MARCHF3: variants seen among roughly 807,000 people sequenced by gnomAD.
MARCHF3 encodes E3 ubiquitin-protein ligase MARCHF3.
Under a neutral mutation model 24.2 loss-of-function variants are expected in MARCHF3, and 13 were observed. The observed-to-expected ratio is 0.54, with a 90% confidence interval of 0.35 to 0.85. MARCHF3 has a LOEUF of 0.85. Ranked by LOEUF, MARCHF3 falls within the 40% of genes least tolerant of loss-of-function variation. MARCHF3 has a pLI of 0.01. For synonymous variants in MARCHF3, 144 were observed against 137.3 expected, an observed-to-expected ratio of 1.05 and a Z score of -0.34; for missense variants, 276 against 325.0, an observed-to-expected ratio of 0.85 and a Z score of 1.16.
chr5:126,954,155 C>G (rs527818396), intron 1 of MARCHF3, among the ~76,000 whole-genome samples: 3 of 151,896 alleles, frequency 2.0e-5, no homozygotes, highest in East Asian at 3.9e-4. Flanking sequence ...GCCTCACCCT[C>G]CCGAGTAGCT....
chr5:126,888,124 AATGAAT>A (rs1485492695), intron 3 of MARCHF3, among the ~76,000 whole-genome samples: 1 of 152,202 alleles, frequency 6.6e-6, no homozygotes, highest in Admixed American at 6.5e-5. Flanking sequence ...GTAGACATCA[AATGAAT>A]ATAACTGAAA....
intron 1 of MARCHF3, among the ~76,000 whole-genome samples, chr5:126,949,516 C>A (rs1307411038): frequency 6.6e-6 from 1 of 152,168 alleles, no homozygotes; most frequent in African/African-American, 2.4e-5. Flanking sequence ...GACCAGGGAG[C>A]TAGAACCCTC....
At chr5:126,921,759 T>G (rs899495627) in intron 1 of MARCHF3, among the ~76,000 whole-genome samples, 1 of 152,196 alleles carries the variant, frequency 6.6e-6, no homozygotes, top group African/African-American at 2.4e-5. Context: ...ACTGGTGGGA[T>G]GGGTCCTTTG....
intron 3 of MARCHF3, among the ~76,000 whole-genome samples, chr5:126,901,184 A>G (rs1420015848): frequency 1.3e-5 from 2 of 152,140 alleles, no homozygotes; most frequent in African/African-American, 4.8e-5. Context: ...AGTGTATACA[A>G]GCACAACATA....
intron 3 of MARCHF3, among the ~76,000 whole-genome samples, chr5:126,895,041 T>C (rs1236938603): frequency 6.6e-6 from 1 of 152,092 alleles, no homozygotes; most frequent in African/African-American, 2.4e-5. Flanking sequence ...ACTTCCCTTC[T>C]CGCTTCATTT....
intron 3 of MARCHF3, among the ~76,000 whole-genome samples, chr5:126,887,467 T>C (rs1753546017): frequency 6.6e-6 from 1 of 152,254 alleles, no homozygotes; most frequent in Admixed American, 6.5e-5. Context: ...ACAAAAGTGC[T>C]AAAGAATCAT....
intron 4 of MARCHF3, 27 bp downstream of exon 4, chr5:126,878,158 T>G (rs759157233): frequency 3.1e-6 from 5 of 1,609,490 alleles, no homozygotes; most frequent in Non-Finnish European, 3.4e-6. Flanking sequence ...CCAAATGGCC[T>G]GAACCCCAGC....
intron 3 of MARCHF3, among the ~76,000 whole-genome samples, chr5:126,886,849 A>C (rs988653055): frequency 2.0e-5 from 3 of 152,110 alleles, no homozygotes; most frequent in Non-Finnish European, 2.9e-5. Context: ...TCTCATAAAC[A>C]ACCTCAGTCT....
intron 2 of MARCHF3, among the ~76,000 whole-genome samples, chr5:126,916,208 A>T (rs1754724825): frequency 6.6e-6 from 1 of 152,218 alleles, no homozygotes; most frequent in Non-Finnish European, 1.5e-5. Context: ...GGAGAGGACC[A>T]TGCCTCTCTG....
At position 126,918,011 on chromosome 5, in the gene MARCHF3, G is replaced by C. The variant is rs748671102; in HGVS notation, c.161C>G (p.Thr54Arg). Residue 54 changes from threonine to arginine, a missense_variant, in exon 2 of 5, where the codon ACA becomes AGA. Physicochemically the swap from Thr to Arg is moderately conservative, Grantham distance 71. Coordinates refer to ENST00000308660, the MANE Select transcript of MARCHF3 (RefSeq NM_178450.5). Reference protein sequence around the residue: ...VSAKDGQLLSTVVRTLATQSP... With the variant: ...VSAKDGQLLSRVVRTLATQSP... ...CTGGGTGGCAAGAGTCCGCACTACT[G>C]TTGACAGCAGCTGCCCGTCCTTGGC... 4 of 1,614,118 alleles carry C rather than the reference G, an allele frequency of 2.5e-6. No individual in the cohort carries two copies. Among genetic ancestry groups the C allele is most frequent in the Non-Finnish European group, 3.4e-6 (4 of 1,180,016 alleles).
chr5:126,938,293 G>A (rs909951634), intron 1 of MARCHF3, among the ~76,000 whole-genome samples: 4 of 150,040 alleles, frequency 2.7e-5, no homozygotes, highest in South Asian at 2.1e-4. Flanking sequence ...TCAGCCTCCC[G>A]AGTAGCTGGG....
intron 3 of MARCHF3, among the ~76,000 whole-genome samples, chr5:126,911,154 T>G (rs1043034234): frequency 6.6e-6 from 1 of 152,168 alleles, no homozygotes; most frequent in Admixed American, 6.5e-5. Context: ...TGCCTGAAAC[T>G]TCATTAGCAA....
chr5:126,994,031 A>C (rs1242718496), intron 1 of MARCHF3, among the ~76,000 whole-genome samples: 2 of 152,240 alleles, frequency 1.3e-5, no homozygotes, highest in Non-Finnish European at 2.9e-5. Context: ...AGGTAAGAGA[A>C]ATGAAAACAT....
chr5:126,966,342 T>C (rs571517853), intron 1 of MARCHF3, among the ~76,000 whole-genome samples: 2 of 152,272 alleles, frequency 1.3e-5, no homozygotes, highest in African/African-American at 4.8e-5. Flanking sequence ...AAATTATATC[T>C]CAATAAAGTT....
intron 1 of MARCHF3, among the ~76,000 whole-genome samples, chr5:126,987,537 TA>T: frequency 6.6e-6 from 1 of 152,294 alleles, no homozygotes; most frequent in South Asian, 2.1e-4. Context: ...GCCAATTCCT[TA>T]AAACAAATAT....
chr5:126,981,025 G>C (rs1279849015), intron 1 of MARCHF3, among the ~76,000 whole-genome samples: 1 of 152,168 alleles, frequency 6.6e-6, no homozygotes, highest in Non-Finnish European at 1.5e-5. Context: ...GCTGCACAAA[G>C]AATCAGCCTG....
At chr5:126,899,271 C>CA (rs763710117) in intron 3 of MARCHF3, 14 of 985,012 alleles carry the variant, frequency 1.4e-5, no homozygotes, top group East Asian at 1.1e-4. Context: ...CTGCACCTGT[C>CA]AAAAAAAGTG....
chr5:126,870,476 C>A lies in MARCHF3; in HGVS notation c.*157G>T. On this transcript the variant is annotated 3_prime_UTR_variant, in exon 5 of 5. Coordinates refer to ENST00000308660, the MANE Select transcript of MARCHF3 (RefSeq NM_178450.5). ...TAAAACAGCATTTGCTTTCTTCTGGCGGAGGTTGTTGCTTGGAGTGATGTG... is the reference window on the plus strand; with the variant it reads ...TAAAACAGCATTTGCTTTCTTCTGGAGGAGGTTGTTGCTTGGAGTGATGTG... 3.5e-6 allele frequency: 2 copies of A among 576,404 alleles called. No individual in the cohort carries two copies. The highest frequency in any genetic ancestry group is 2.8e-5 in the South Asian group (1 of 35,218). 35.7% of individuals were successfully genotyped at this position (576,404 alleles called of 1,614,324 possible). A position where few individuals can be genotyped will look rare whatever the true frequency, so the allele number is the denominator to read the frequency against.
intron 1 of MARCHF3, among the ~76,000 whole-genome samples, chr5:126,970,623 CT>C (rs1443337526): frequency 6.6e-6 from 1 of 152,100 alleles, no homozygotes; most frequent in African/African-American, 2.4e-5. Flanking sequence ...GTGGTTGTGA[CT>C]TTGACAGATT....
Sources: gnomAD v4.1 joint callset for allele counts (sites outside exome capture counted in the v4.1 genomes callset) on GRCh38, gnomAD v4.1.1 for gene constraint, MANE v1.5 for transcripts, NCBI Gene and HGNC (gene_info 2026-07-23, HGNC 2026-07-21) for gene names.